The following LMCD1 variants were observed in gnomAD, a reference collection of about 807,000 sequenced individuals.
LMCD1 encodes LIM and cysteine rich domains 1.
In LMCD1, 32 loss-of-function variants were observed where a neutral mutation model predicts 42.7. That is an observed-to-expected ratio of 0.75 (90% CI 0.57 to 1.01). The LOEUF (loss-of-function observed/expected upper bound fraction) is 1.01, where lower values mean the gene tolerates loss of function less well. LMCD1 is among the 50% of genes least tolerant of loss of function. The pLI is 0.00. For missense variants in LMCD1, 458 were observed against 483.1 expected, an observed-to-expected ratio of 0.95 and a Z score of 0.49; for synonymous variants, 178 against 184.9, an observed-to-expected ratio of 0.96 and a Z score of 0.30.
chr3:8,511,233 ATGAAGG>A (rs1693994134), intron 1 of LMCD1, among the ~76,000 whole-genome samples: 1 of 152,236 alleles, frequency 6.6e-6, no homozygotes, highest in Non-Finnish European at 1.5e-5. Context: ...AAAAGACCTA[ATGAAGG>A]TGAAATGGTA....
chr3:8,552,794 G>A (rs190357128), intron 4 of LMCD1, among the ~76,000 whole-genome samples: 1 of 152,106 alleles, frequency 6.6e-6, no homozygotes, highest in Admixed American at 6.5e-5. Context: ...CACAGTCTCG[G>A]CTCACTGCAA....
chr3:8,502,268 T>TATACA (rs1403252098), intron 1 of LMCD1, among the ~76,000 whole-genome samples: 1 of 75,546 alleles, frequency 1.3e-5, no homozygotes, highest in Admixed American at 2.2e-4. Context: ...GTATATAAAA[T>TATACA]ATATATATAA....
chr3:8,570,200 A>T lies in LMCD1; in HGVS notation c.*2602A>T, dbSNP rs553948904. 3.0e-4 allele frequency: 45 copies of T among 152,390 alleles called. No homozygotes were observed. Among genetic ancestry groups the T allele is most frequent in the Non-Finnish European group, 3.1e-4 (21 of 68,210 alleles). 9.4% of individuals were successfully genotyped at this position (152,390 alleles called of 1,614,324 possible). A position where few individuals can be genotyped will look rare whatever the true frequency, so the allele number is the denominator to read the frequency against. On this transcript the variant is annotated 3_prime_UTR_variant, in exon 6 of 6. Transcript: ENST00000157600. Reference sequence around the variant, plus strand: ...GGCAGGAGCACAGAGCATGGTGAGGAGGGTGGGCCTGGGGCATGAGAGGCA... The same window carrying T: ...GGCAGGAGCACAGAGCATGGTGAGGTGGGTGGGCCTGGGGCATGAGAGGCA...
At chr3:8,502,352 A>T (rs1574940728) in intron 1 of LMCD1, among the ~76,000 whole-genome samples, 1 of 87,354 alleles carries the variant, frequency 1.1e-5, no homozygotes, top group East Asian at 3.1e-4. Flanking sequence ...TATAAAATAT[A>T]TAATATATAT....
intron 3 of LMCD1, among the ~76,000 whole-genome samples, chr3:8,547,876 A>T (rs2125031534): frequency 6.7e-6 from 1 of 150,066 alleles, no homozygotes; most frequent in South Asian, 2.2e-4. Flanking sequence ...ACAGAGCGAG[A>T]CTCCATCTCA....
At chr3:8,502,287 TA>T in intron 1 of LMCD1, among the ~76,000 whole-genome samples, 1 of 42,232 alleles carries the variant, frequency 2.4e-5, no homozygotes, top group Non-Finnish European at 4.4e-5. Flanking sequence ...AAAATATATA[TA>T]ATATATATTA....
intron 4 of LMCD1, among the ~76,000 whole-genome samples, chr3:8,563,451 G>A (rs186611534): frequency 5.9e-5 from 9 of 152,368 alleles, no homozygotes; most frequent in East Asian, 1.9e-4. Context: ...TTATGTGTGC[G>A]GGGCCCAGTA....
intron 3 of LMCD1, among the ~76,000 whole-genome samples, chr3:8,539,877 G>A (rs1031627514): frequency 5.1e-5 from 7 of 138,576 alleles, no homozygotes; most frequent in African/African-American, 1.0e-4. Context: ...ACAACGTGCA[G>A]GTTTGTTACA....
intron 3 of LMCD1, among the ~76,000 whole-genome samples, chr3:8,539,796 TTA>T (rs1367882799): frequency 7.5e-5 from 2 of 26,712 alleles, no homozygotes; most frequent in African/African-American, 3.3e-4. Flanking sequence ...CCCAACATTT[TTA>T]TTATTATTAT....
intron 1 of LMCD1, among the ~76,000 whole-genome samples, chr3:8,513,410 C>T (rs1032019890): frequency 2.6e-5 from 4 of 152,162 alleles, no homozygotes; most frequent in Non-Finnish European, 5.9e-5. Flanking sequence ...CTCCTGTCCT[C>T]ACTCAGGTGG....
chr3:8,546,767 A>C (rs1694743631), intron 3 of LMCD1, among the ~76,000 whole-genome samples: 1 of 152,206 alleles, frequency 6.6e-6, no homozygotes, highest in Admixed American at 6.5e-5. Flanking sequence ...TAAGTCCATG[A>C]GTGAAGGTAG....
intron 2 of LMCD1, 136 bp downstream of exon 2, chr3:8,532,961 C>T: frequency 1.4e-6 from 1 of 727,630 alleles, no homozygotes; most frequent in South Asian, 1.7e-5. Flanking sequence ...AGAGGGAAGG[C>T]ACTCCTGCTT....
chr3:8,532,988 GA>G (rs1348334022), intron 2 of LMCD1, among the ~76,000 whole-genome samples, 163 bp downstream of exon 2: 1 of 152,026 alleles, frequency 6.6e-6, no homozygotes, highest in South Asian at 2.1e-4. Context: ...ATTCAGAAAC[GA>G]AAAAAGTCCT....
At position 8,501,944 on chromosome 3, in the gene LMCD1, A is replaced by C; in HGVS notation, c.6A>C (p.Ala2=). The change falls in exon 1 of 6, where the codon GCA becomes GCC. Residue 2 remains alanine (A), a synonymous_variant. Transcript: ENST00000157600. ...TTCCCCCACCCCAGAAGAGGATGGC[A>C]AAGGTGGCTAAGGACCTCAACCCAG... The part of the protein sequence containing the change: M[A]KVAKDLNPGV... The C allele has an allele frequency of 6.3e-7, 1 of 1,594,170 alleles. No homozygotes were observed. Among genetic ancestry groups the C allele is most frequent in the Non-Finnish European group, 8.5e-7 (1 of 1,171,558 alleles).
chr3:8,502,363 T>A (rs1693764682), intron 1 of LMCD1, among the ~76,000 whole-genome samples: 2 of 65,504 alleles, frequency 3.1e-5, no homozygotes, highest in African/African-American at 1.5e-4. Flanking sequence ...TAATATATAT[T>A]ATATAAAATA....
chr3:8,535,371 G>C (rs1694491084), intron 2 of LMCD1, among the ~76,000 whole-genome samples: 1 of 152,110 alleles, frequency 6.6e-6, no homozygotes, highest in Admixed American at 6.5e-5. Context: ...GCAGCACCCT[G>C]AGGGTCATTT....
In LMCD1 at chr3:8,539,795, TTTATTATTATTATTA is replaced by T. The variant is rs71049735; in HGVS notation, c.387+2385_387+2399del. 4.3e-3 allele frequency among the ~76,000 whole-genome samples: 607 copies of T among 139,828 alleles called. 5 individuals are homozygous for T. The highest frequency in any genetic ancestry group is 0.015 in the African/African-American group (574 of 37,730). 91.7% of individuals were successfully genotyped at this position (139,828 alleles called of 152,430 possible). ...CCTTCCCACTCACCTTCCCAACATT[TTTATTATTATTATTA>T]TTATTATTATTATTATTATTATTAT... On this transcript the variant is annotated intron_variant, in intron 3 of 5. Coordinates refer to ENST00000157600, the MANE Select transcript of LMCD1 (RefSeq NM_014583.4).
chr3:8,550,038 T>C, intron 4 of LMCD1: 2 of 1,504,880 alleles, frequency 1.3e-6, no homozygotes, highest in Non-Finnish European at 1.8e-6. Flanking sequence ...TTGGAGGGGA[T>C]GTTCAACCCA....
intron 1 of LMCD1, among the ~76,000 whole-genome samples, chr3:8,516,146 T>G (rs1409612300): frequency 6.6e-6 from 1 of 152,088 alleles, no homozygotes; most frequent in Non-Finnish European, 1.5e-5. Flanking sequence ...ACTTGAACCT[T>G]CATCTGAACC....
Sources: allele counts gnomAD v4.1 joint callset (sites outside exome capture counted in the v4.1 genomes callset), GRCh38; gene constraint gnomAD v4.1.1; transcripts MANE v1.5; gene names NCBI Gene and HGNC (gene_info 2026-07-23, HGNC 2026-07-21).